PFKFB2: variants seen among roughly 807,000 people sequenced by gnomAD.
The protein encoded by PFKFB2 is 6-phosphofructo-2-kinase/fructose-2,6-bisphosphatase 2.
Under a neutral mutation model 68.0 loss-of-function variants are expected in PFKFB2, and 53 were observed. That is an observed-to-expected ratio of 0.78 (90% CI 0.63 to 0.98). The LOEUF (loss-of-function observed/expected upper bound fraction) is 0.98, where lower values mean the gene tolerates loss of function less well. PFKFB2 is among the 50% of genes least tolerant of loss of function. The pLI, the probability that PFKFB2 is intolerant of heterozygous loss-of-function variation, is 0.00. For missense variants in PFKFB2, 451 were observed against 642.0 expected, an observed-to-expected ratio of 0.70 and a Z score of 3.22; for synonymous variants, 222 against 227.6, an observed-to-expected ratio of 0.98 and a Z score of 0.22.
intron 12 of PFKFB2, 136 bp from the exon 13 acceptor site, chr1:207,071,052 G>A: frequency 1.4e-6 from 1 of 697,654 alleles, no homozygotes; most frequent in Non-Finnish European, 2.5e-6. Flanking sequence ...GGGGTTTAAG[G>A]GAGGAGTTGT....
intron 2 of PFKFB2, among the ~76,000 whole-genome samples, chr1:207,057,679 A>C (rs1396205890): frequency 6.6e-6 from 1 of 152,168 alleles, no homozygotes; most frequent in Non-Finnish European, 1.5e-5. Flanking sequence ...GTTTCTTCCA[A>C]ATTTGATTCT....
In PFKFB2 at chr1:207,061,946, C is replaced by A. The variant is rs762892972; in HGVS notation, c.86-7C>A. On this transcript the variant is annotated splice_polypyrimidine_tract_variant and splice_region_variant and intron_variant, in intron 2 of 14. Coordinates refer to ENST00000367080, the MANE Select transcript of PFKFB2 (RefSeq NM_006212.2). ...ATTTCGTTTTATTTTGTTTCATTTC[C>A]TTCTAGCATGGGCCTCCTACATGAC... The A allele has an allele frequency of 1.2e-6, 2 of 1,613,036 alleles. No homozygotes were observed. Among genetic ancestry groups the A allele is most frequent in the African/African-American group, 2.7e-5 (2 of 74,894 alleles).
downstream of PFKFB2, chr1:207,078,919 T>TA: frequency 6.3e-7 from 1 of 1,582,956 alleles, no homozygotes; most frequent in South Asian, 1.1e-5. Context: ...GGCAGTGCTG[T>TA]AATAGCTTTG....
At chr1:207,040,263 G>C (rs778970903) in intron 1 of PFKFB2, among the ~76,000 whole-genome samples, 2 of 152,132 alleles carry the variant, frequency 1.3e-5, no homozygotes, top group Non-Finnish European at 2.9e-5. Flanking sequence ...ATAGCTTTTC[G>C]GCTTATTGCA....
rs182679214 is a variant in PFKFB2 at position 207,041,078 on chromosome 1, G to A, written c.-61-1091G>A. ...CAAGTAGCTGGGACTACAGGCGCCC[G>A]CCACCACGCCCGGCTACTTTTTGTA... On this transcript the variant is annotated intron_variant, in intron 1 of 5. Transcript: ENST00000545806. Among the ~76,000 whole-genome samples, 1,342 of 151,860 alleles carry A rather than the reference G, an allele frequency of 8.8e-3. 16 individuals are homozygous for A. The highest frequency in any genetic ancestry group is 0.031 in the African/African-American group (1,267 of 41,380).
intron 2 of PFKFB2, chr1:207,044,765 A>G (rs1295965104): frequency 6.6e-6 from 1 of 152,522 alleles, no homozygotes; most frequent in Non-Finnish European, 1.5e-5. Context: ...CTAGGAATGC[A>G]TCTATTTGAC....
intron 2 of PFKFB2, among the ~76,000 whole-genome samples, chr1:207,043,201 C>T (rs906238745): frequency 6.6e-6 from 1 of 152,134 alleles, no homozygotes; most frequent in Non-Finnish European, 1.5e-5. Context: ...ATTCAATAAG[C>T]TTCCATCACA....
intron 3 of PFKFB2, 57 bp from the exon 4 acceptor site, chr1:207,062,563 C>G (rs1199905106): frequency 6.3e-7 from 1 of 1,590,970 alleles, no homozygotes; most frequent in East Asian, 2.2e-5. Flanking sequence ...AAACAAGTCC[C>G]ATTTGGTGGG....
chr1:207,080,157 GT>G (rs1467563466), downstream of PFKFB2: 1 of 152,202 alleles, frequency 6.6e-6, no homozygotes, highest in African/African-American at 2.4e-5. Flanking sequence ...TGTAAATGTG[GT>G]TTTGACATGT....
chr1:207,066,624 T>C (rs2102270442), intron 8 of PFKFB2, among the ~76,000 whole-genome samples: 1 of 152,336 alleles, frequency 6.6e-6, no homozygotes, highest in Admixed American at 6.5e-5. Context: ...CCATCATTTT[T>C]TCTGATTTTT....
intron 2 of PFKFB2, among the ~76,000 whole-genome samples, chr1:207,055,643 A>T (rs1023195926): frequency 5.9e-4 from 34 of 57,166 alleles, no homozygotes; most frequent in South Asian, 1.8e-3. Context: ...TTCAGTGGTT[A>T]TATATATATA....
At chr1:207,067,761 A>G (rs1683338103) in intron 9 of PFKFB2, 55 bp downstream of exon 9, 2 of 1,376,428 alleles carry the variant, frequency 1.5e-6, no homozygotes, top group South Asian at 1.2e-5. Context: ...GAAGGGCATG[A>G]CTGAGGTCAT....
At chr1:207,064,621 C>G (rs1341808819) in intron 7 of PFKFB2, among the ~76,000 whole-genome samples, 2 of 152,186 alleles carry the variant, frequency 1.3e-5, no homozygotes, top group Admixed American at 1.3e-4. Flanking sequence ...TGCAGGTGCT[C>G]TCCCAGCCGT....
Position 207,071,901 on chromosome 1 carries a change from G to C in PFKFB2, c.1351-303G>C, listed in dbSNP as rs188912033. Among the ~76,000 whole-genome samples the C allele has an allele frequency of 4.6e-5, 7 of 152,324 alleles. No homozygotes were observed. The East Asian group carries it at 1.4e-3, about 29-fold the overall frequency. Reference sequence around the variant, plus strand: ...AAGCAGAGTCCAGAGGAGCCTATAAGGTGGGGGTCAAGAGGTGTAGGTTTG... The same window carrying C: ...AAGCAGAGTCCAGAGGAGCCTATAACGTGGGGGTCAAGAGGTGTAGGTTTG... On this transcript the variant is annotated intron_variant, in intron 14 of 14. Coordinates refer to ENST00000367080, the MANE Select transcript of PFKFB2 (RefSeq NM_006212.2).
chr1:207,068,188 T>G lies in PFKFB2; in HGVS notation c.866T>G (p.Leu289Arg), dbSNP rs1222627961. 6.2e-7 allele frequency: 1 copy of G among 1,610,268 alleles called. No homozygotes were observed. The highest frequency in any genetic ancestry group is 8.5e-7 in the Non-Finnish European group (1 of 1,179,004). The part of the protein sequence containing the change: ...KQFAQALRKF[L>R]EEQEITDLKV... The stretch of plus-strand genomic sequence containing the variant: ...TTTGCCCAAGCTCTAAGGAAATTTC[T>G]GGAGGAACAGGAAATAACAGACCTC... Residue 289 changes from leucine (L) to arginine (R), a missense_variant, in exon 10 of 15, where the codon CTG (leucine) becomes CGG (arginine). By Grantham distance (102) the Leu-to-Arg change is moderately radical. Coordinates refer to ENST00000367080, the MANE Select transcript of PFKFB2 (RefSeq NM_006212.2).
intron 1 of PFKFB2, among the ~76,000 whole-genome samples, chr1:207,039,657 C>T (rs564505596): frequency 6.2e-4 from 95 of 152,228 alleles, no homozygotes; most frequent in South Asian, 1.7e-3. Flanking sequence ...AAAAACCCCA[C>T]GCTTTTATGG....
Position 207,075,762 on chromosome 1 carries a change from A to G in PFKFB2, c.*3391A>G. The G allele has an allele frequency of 1.0e-6, 1 of 983,876 alleles. No individual in the cohort carries two copies. Among genetic ancestry groups the G allele is most frequent in the Non-Finnish European group, 1.2e-6 (1 of 828,524 alleles). The allele number at this position is 983,876 out of a possible 1,614,324, so 60.9% of individuals were successfully genotyped here. A position where few individuals can be genotyped will look rare whatever the true frequency, so the allele number is the denominator to read the frequency against. On this transcript the variant is annotated 3_prime_UTR_variant, in exon 15 of 15. Coordinates refer to ENST00000367080, the MANE Select transcript of PFKFB2 (RefSeq NM_006212.2). Reference sequence around the variant, plus strand: ...TCACCTCTAAAAAAGTTTTTTATAAATTTACTTGTCTAAAGTGGGGAAAGG... The same window carrying G: ...TCACCTCTAAAAAAGTTTTTTATAAGTTTACTTGTCTAAAGTGGGGAAAGG...
rs1683083471 is a variant in PFKFB2, at chr1:207,061,097, CTTTATATATATCTATATATCTTTA to C, written c.86-854_86-831del. Among the ~76,000 whole-genome samples the C allele has an allele frequency of 1.6e-4, 11 of 69,930 alleles. No individual in the cohort carries two copies. In the South Asian group the frequency reaches 4.2e-3, roughly 27 times the overall value. The allele number at this position is 69,930 out of a possible 152,430, so 45.9% of individuals were successfully genotyped here. ...TATCTTTATATATCTTTATATATATCTTTATATATATCTATATATCTTTATATATATCTTTATATATATCTTTAT... is the reference window on the plus strand; with the variant it reads ...TATCTTTATATATCTTTATATATATCTATATATCTTTATATATATCTTTAT... On this transcript the variant is annotated intron_variant, in intron 2 of 14. Transcript: ENST00000367080.
upstream of PFKFB2, chr1:207,048,520 G>A (rs1347565318): frequency 6.5e-6 from 1 of 154,690 alleles, no homozygotes; most frequent in African/African-American, 2.4e-5. Flanking sequence ...AGTTACTGGA[G>A]ACACTGTGGT....
Sources: allele counts gnomAD v4.1 joint callset (sites outside exome capture counted in the v4.1 genomes callset), GRCh38; gene constraint gnomAD v4.1.1; transcripts MANE v1.5; gene names NCBI Gene and HGNC (gene_info 2026-07-23, HGNC 2026-07-21).